Variants in CNTNAP2 observed in about 807,000 individuals in gnomAD.
The protein encoded by CNTNAP2 is contactin associated protein 2, also known as contactin-associated protein-like 2.
A neutral mutation model predicts 155.2 loss-of-function variants in CNTNAP2; 98 were observed. The observed-to-expected ratio is 0.63, with a 90% confidence interval of 0.54 to 0.75. The LOEUF (loss-of-function observed/expected upper bound fraction) is 0.75, where lower values mean the gene tolerates loss of function less well. Among genes scored for constraint, CNTNAP2 ranks in the 30% least tolerant of loss-of-function variants. CNTNAP2 has a pLI of 0.00. For missense variants in CNTNAP2, 1,727 were observed against 1,688.1 expected, an observed-to-expected ratio of 1.02 and a Z score of -0.40; for synonymous variants, 651 against 631.2, an observed-to-expected ratio of 1.03 and a Z score of -0.47.
chr7:148,373,125 G>A (rs1208548631), intron 21 of CNTNAP2, among the ~76,000 whole-genome samples: 3 of 152,100 alleles, frequency 2.0e-5, no homozygotes, highest in African/African-American at 2.4e-5. Flanking sequence ...GGACCTGCCT[G>A]AGGCTGTTGT....
At chr7:147,517,316 A>G (rs1259141548) in intron 11 of CNTNAP2, among the ~76,000 whole-genome samples, 5 of 152,174 alleles carry the variant, frequency 3.3e-5, no homozygotes, top group Non-Finnish European at 2.9e-5. Context: ...AGGGTCTTAT[A>G]TGGCAAGTAC....
chr7:147,424,272 C>G (rs985525823), intron 10 of CNTNAP2, among the ~76,000 whole-genome samples: 3 of 152,042 alleles, frequency 2.0e-5, no homozygotes, highest in Admixed American at 6.6e-5. Flanking sequence ...TTTCTTTTGC[C>G]TCATTCTTTT....
At chr7:147,435,108 C>A (rs1397458684) in intron 10 of CNTNAP2, among the ~76,000 whole-genome samples, 1 of 152,130 alleles carries the variant, frequency 6.6e-6, no homozygotes, top group Non-Finnish European at 1.5e-5. Flanking sequence ...ACAAACCCTG[C>A]TCTGGGTAAC....
chr7:146,298,654 G>A (rs1318233407), intron 1 of CNTNAP2, among the ~76,000 whole-genome samples: 2 of 152,202 alleles, frequency 1.3e-5, no homozygotes, highest in Non-Finnish European at 2.9e-5. Context: ...CACAAAATCT[G>A]CCTCTGAACG....
chr7:147,953,818 T>G (rs1464751355), intron 14 of CNTNAP2, among the ~76,000 whole-genome samples: 1 of 152,166 alleles, frequency 6.6e-6, no homozygotes, highest in Admixed American at 6.5e-5. Flanking sequence ...CCTCAGCCTC[T>G]CTTGTCACGT....
chr7:148,186,009 C>T (rs868781141), intron 18 of CNTNAP2, among the ~76,000 whole-genome samples: 2 of 152,292 alleles, frequency 1.3e-5, no homozygotes, highest in Non-Finnish European at 1.5e-5. Flanking sequence ...TTCCAAAAGA[C>T]TTTTATTTCT....
intron 1 of CNTNAP2, among the ~76,000 whole-genome samples, chr7:146,573,468 G>A (rs939791595): frequency 1.3e-5 from 2 of 152,022 alleles, no homozygotes; most frequent in Non-Finnish European, 2.9e-5. Flanking sequence ...TTGGTGATTG[G>A]ACAAAGAACT....
At chr7:146,550,401 GTTTT>G (rs10673467) in intron 1 of CNTNAP2, among the ~76,000 whole-genome samples, 68 of 54,378 alleles carry the variant, frequency 1.3e-3, no homozygotes, top group African/African-American at 4.8e-3. Flanking sequence ...CCATTAATCT[GTTTT>G]TTTTTTTTTT....
At chr7:148,257,347 A>C (rs1796473110) in intron 20 of CNTNAP2, among the ~76,000 whole-genome samples, 1 of 152,214 alleles carries the variant, frequency 6.6e-6, no homozygotes, top group Non-Finnish European at 1.5e-5. Flanking sequence ...TGCATCGCTA[A>C]CCCAGTGACA....
intron 13 of CNTNAP2, among the ~76,000 whole-genome samples, chr7:147,668,774 T>A (rs1427360012): frequency 6.6e-6 from 1 of 151,464 alleles, no homozygotes; most frequent in African/African-American, 2.4e-5. Flanking sequence ...TAAGCTAAGG[T>A]TAATTATCAA....
rs73461231 is a variant in CNTNAP2 at position 147,260,803 on chromosome 7, C to T, written c.1349-39338C>T. Reference sequence around the variant, plus strand: ...TGAAAGGATATTGGCTCTTTATGGACGCGGAAATTCAATGATAGTGATTCT... The same window carrying T: ...TGAAAGGATATTGGCTCTTTATGGATGCGGAAATTCAATGATAGTGATTCT... On this transcript the variant is annotated intron_variant, in intron 8 of 23. Transcript: ENST00000361727. 6.8e-3 allele frequency among the ~76,000 whole-genome samples: 1,034 copies of T among 152,216 alleles called. 13 individuals carry two copies. The highest frequency in any genetic ancestry group is 0.024 in the African/African-American group (984 of 41,538).
intron 11 of CNTNAP2, among the ~76,000 whole-genome samples, chr7:147,515,426 G>A (rs890284395): frequency 2.0e-5 from 3 of 147,988 alleles, no homozygotes; most frequent in African/African-American, 7.4e-5. Context: ...GGGTTCAAGC[G>A]ATCCTCCTGC....
At chr7:147,988,876 C>T (rs538811118) in intron 15 of CNTNAP2, among the ~76,000 whole-genome samples, 2 of 152,246 alleles carry the variant, frequency 1.3e-5, no homozygotes, top group South Asian at 2.1e-4. Flanking sequence ...GACAGAAACA[C>T]GGAGTGAAAT....
chr7:146,680,677 G>A (rs1191842006), intron 1 of CNTNAP2, among the ~76,000 whole-genome samples: 2 of 152,282 alleles, frequency 1.3e-5, no homozygotes, highest in South Asian at 2.1e-4. Context: ...CTTTCTGTAC[G>A]TGTGTTCTGA....
chr7:148,330,324 A>T (rs570505286), intron 21 of CNTNAP2, among the ~76,000 whole-genome samples: 1 of 151,518 alleles, frequency 6.6e-6, no homozygotes, highest in Non-Finnish European at 1.5e-5. Context: ...AGATGGATAG[A>T]GTGAACAGAT....
chr7:147,626,710 C>T (rs1794984316), intron 12 of CNTNAP2, among the ~76,000 whole-genome samples: 1 of 152,100 alleles, frequency 6.6e-6, no homozygotes, highest in Admixed American at 6.5e-5. Context: ...GGAGGCCAAC[C>T]AACTCAGGCC....
chr7:148,200,346 T>C (rs1795348460), intron 18 of CNTNAP2, among the ~76,000 whole-genome samples: 1 of 152,170 alleles, frequency 6.6e-6, no homozygotes, highest in African/African-American at 2.4e-5. Context: ...TAAATGTGGC[T>C]ACAAAAGAAT....
Position 146,190,004 on chromosome 7 carries a change from T to C in CNTNAP2, c.97+73031T>C, listed in dbSNP as rs536211979. Among the ~76,000 whole-genome samples, 9 of 152,258 alleles carry C rather than the reference T, an allele frequency of 5.9e-5. No homozygotes were observed. In the South Asian group the frequency reaches 1.9e-3, roughly 32 times the overall value. On this transcript the variant is annotated intron_variant, in intron 1 of 23. Transcript: ENST00000361727. The stretch of plus-strand genomic sequence containing the variant: ...GTAATTTTCTCACATAAGTTTGTGA[T>C]TTTGTGGCTAATCTTCTGAGAACAT...
chr7:146,766,076 G>C (rs1353022649), intron 1 of CNTNAP2, among the ~76,000 whole-genome samples: 7 of 152,112 alleles, frequency 4.6e-5, no homozygotes, highest in African/African-American at 1.7e-4. Flanking sequence ...GAAGCCTTCA[G>C]GGCATGGCAA....
Sources: allele counts gnomAD v4.1 joint callset (sites outside exome capture counted in the v4.1 genomes callset), GRCh38; gene constraint gnomAD v4.1.1; transcripts MANE v1.5; gene names NCBI Gene and HGNC (gene_info 2026-07-23, HGNC 2026-07-21).